The following CACNA2D4 variants were observed in gnomAD, a reference collection of about 807,000 sequenced individuals.
CACNA2D4 encodes voltage-dependent calcium channel subunit alpha-2/delta-4.
A neutral mutation model predicts 163.8 loss-of-function variants in CACNA2D4; 157 were observed. That is an observed-to-expected ratio of 0.96 (90% CI 0.84 to 1.09). CACNA2D4 has a LOEUF of 1.09. Among genes scored for constraint, CACNA2D4 ranks in the 50% least tolerant of loss-of-function variants. The pLI, the probability that CACNA2D4 is intolerant of heterozygous loss-of-function variation, is 0.00. For synonymous variants in CACNA2D4, 598 were observed against 586.9 expected (o/e 1.02, Z -0.27); for missense variants, 1,410 against 1,479.9 (o/e 0.95, Z 0.78).
chr12:1,796,406 G>A (rs952749800), intron 35 of CACNA2D4, among the ~76,000 whole-genome samples: 1 of 152,238 alleles, frequency 6.6e-6, no homozygotes, highest in Non-Finnish European at 1.5e-5. Flanking sequence ...CTGGTGTTGT[G>A]CCCATTTTGC....
rs1865930147 is a variant in CACNA2D4 at position 1,878,637 on chromosome 12, C to T, written c.1645-248G>A. On this transcript the variant is annotated intron_variant, in intron 15 of 37. Transcript: ENST00000382722. The surrounding 1 kb of genome is among the most constrained non-coding windows in gnomAD (Gnocchi z 4.6). ...CCTGACTTCTTTACCACCACATGTT[C>T]TGGGTGCTTTGATGATGTAATCTCA... 6.6e-6 allele frequency among the ~76,000 whole-genome samples: 1 copy of T among 152,188 alleles called. No homozygotes were observed. Among genetic ancestry groups the T allele is most frequent in the Non-Finnish European group, 1.5e-5 (1 of 68,042 alleles).
intron 23 of CACNA2D4, 28 bp downstream of exon 23, chr12:1,853,923 G>GCCTGGGAA (rs761403035): frequency 1.3e-6 from 2 of 1,574,918 alleles, no homozygotes; most frequent in East Asian, 2.2e-5. Flanking sequence ...GCTGGTTGGG[G>GCCTGGGAA]CCTGGGAACC....
At position 1,828,663 on chromosome 12, in the gene CACNA2D4, G is replaced by C. The variant is rs1403608265; in HGVS notation, c.2551+12076C>G. On this transcript the variant is annotated intron_variant, in intron 26 of 37. Transcript: ENST00000382722. This position sits in a 1 kb window ranked among gnomAD's most constrained non-coding sequence, Gnocchi z 4.2. ...CTGGCCTCGGCCAGGAGCTGGGTCA[G>C]CTTGGAGATGTCTCTTATGCTCCTT... Among the ~76,000 whole-genome samples, 1 of 152,218 alleles carries C rather than the reference G, an allele frequency of 6.6e-6. No individual in the cohort carries two copies. Among genetic ancestry groups the C allele is most frequent in the Non-Finnish European group, 1.5e-5 (1 of 68,036 alleles).
At chr12:1,819,176 G>C (rs373021048) in intron 26 of CACNA2D4, among the ~76,000 whole-genome samples, 18 of 152,154 alleles carry the variant, frequency 1.2e-4, no homozygotes, top group African/African-American at 4.1e-4. Context: ...GCCACCCATG[G>C]GCAGGAGAGC....
At chr12:1,879,068 C>G in intron 14 of CACNA2D4, 32 bp from the exon 15 acceptor site, 1 of 1,579,958 alleles carries the variant, frequency 6.3e-7, no homozygotes, top group Non-Finnish European at 8.7e-7. Flanking sequence ...GTGGGGGAGA[C>G]CCAGCTTCCC....
Position 1,907,760 on chromosome 12 carries a change from G to T in CACNA2D4, c.649+115C>A. The T allele has an allele frequency of 3.0e-6, 4 of 1,351,202 alleles. 1 individual carries two copies. The highest frequency in any genetic ancestry group is 3.1e-6 in the Non-Finnish European group (3 of 976,088). 83.7% of individuals were successfully genotyped at this position (1,351,202 alleles called of 1,614,324 possible). On this transcript the variant is annotated intron_variant, in intron 5 of 37. Coordinates refer to ENST00000382722, the MANE Select transcript of CACNA2D4 (RefSeq NM_172364.5). ...CCTGGTGGGCGTGTCTGGTGGGTGT[G>T]TCTGGTGGGCCAGCCTGGTGAGTAT...
At chr12:1,897,281 A>G (rs1297586969) in intron 6 of CACNA2D4, among the ~76,000 whole-genome samples, 2 of 152,182 alleles carry the variant, frequency 1.3e-5, no homozygotes, top group African/African-American at 4.8e-5. Context: ...ACGAGCATAC[A>G]ATTAGATAGA....
chr12:1,869,087 A>G lies in CACNA2D4; in HGVS notation c.1878+5517T>C, dbSNP rs920229203. On this transcript the variant is annotated intron_variant, in intron 18 of 37. Coordinates refer to ENST00000382722, the MANE Select transcript of CACNA2D4 (RefSeq NM_172364.5). The surrounding 1 kb of genome is among the most constrained non-coding windows in gnomAD (Gnocchi z 4.7). Reference sequence around the variant, plus strand: ...GACTGCGCATCACGTTGTGCACCTTAAATATATACAATCGAAAAGCAGGTC... The same window carrying G: ...GACTGCGCATCACGTTGTGCACCTTGAATATATACAATCGAAAAGCAGGTC... Among the ~76,000 whole-genome samples, 1 of 152,172 alleles carries G rather than the reference A, an allele frequency of 6.6e-6. No individual in the cohort carries two copies. Among genetic ancestry groups the G allele is most frequent in the African/African-American group, 2.4e-5 (1 of 41,430 alleles).
chr12:1,842,394 C>A (rs1428685930), intron 25 of CACNA2D4, among the ~76,000 whole-genome samples: 1 of 152,242 alleles, frequency 6.6e-6, no homozygotes, highest in African/African-American at 2.4e-5. Context: ...TCCCCTCACC[C>A]TGGAGGCAGC....
At chr12:1,860,582 T>G (rs1865502263) in intron 18 of CACNA2D4, among the ~76,000 whole-genome samples, 2 of 152,214 alleles carry the variant, frequency 1.3e-5, no homozygotes, top group Admixed American at 1.3e-4. Flanking sequence ...TATTGGGCAG[T>G]GCTGATGTAG....
intron 19 of CACNA2D4, 81 bp downstream of exon 19, chr12:1,860,064 C>A: frequency 8.4e-7 from 1 of 1,184,716 alleles, no homozygotes; most frequent in South Asian, 1.3e-5. Flanking sequence ...TTGCTATTAC[C>A]ACAAAATTGC....
In CACNA2D4 at chr12:1,869,936, C is replaced by T. The variant is rs1865734499; in HGVS notation, c.1878+4668G>A. 6.6e-6 allele frequency among the ~76,000 whole-genome samples: 1 copy of T among 152,176 alleles called. No homozygotes were observed. The highest frequency in any genetic ancestry group is 6.5e-5 in the Admixed American group (1 of 15,276). On this transcript the variant is annotated intron_variant, in intron 18 of 37. Coordinates refer to ENST00000382722, the MANE Select transcript of CACNA2D4 (RefSeq NM_172364.5). This position sits in a 1 kb window ranked among gnomAD's most constrained non-coding sequence, Gnocchi z 4.7. ...ATATTTGAGGGGTAGGCTGTAGATA[C>T]TCTTGTCTTCCTTTGAAGGTGTTTT...
intron 3 of CACNA2D4, among the ~76,000 whole-genome samples, chr12:1,912,194 C>A (rs1866841214): frequency 6.6e-6 from 1 of 152,200 alleles, no homozygotes; most frequent in African/African-American, 2.4e-5. Context: ...ATCCAGCCAA[C>A]CACTCCCGAT....
At chr12:1,881,597 A>G (rs1177593143) in intron 13 of CACNA2D4, among the ~76,000 whole-genome samples, 1 of 152,234 alleles carries the variant, frequency 6.6e-6, no homozygotes, top group Admixed American at 6.5e-5. Context: ...TGCAGGTGCC[A>G]GGGTTCACAG....
chr12:1,856,267 A>C, intron 20 of CACNA2D4, 38 bp from the exon 21 acceptor site: 1 of 1,610,772 alleles, frequency 6.2e-7, no homozygotes, highest in Non-Finnish European at 8.5e-7. Flanking sequence ...ATGCTCCCTC[A>C]CTGCCATGAG....
intron 3 of CACNA2D4, among the ~76,000 whole-genome samples, chr12:1,912,550 A>G (rs1866852860): frequency 6.7e-6 from 1 of 149,716 alleles, no homozygotes; most frequent in South Asian, 2.1e-4. Flanking sequence ...AATGAGGGTG[A>G]GGGAGGAATG....
chr12:1,822,834 T>C (rs1316117403), intron 26 of CACNA2D4, among the ~76,000 whole-genome samples: 1 of 148,990 alleles, frequency 6.7e-6, no homozygotes, highest in South Asian at 2.1e-4. Context: ...TAGACGGCTG[T>C]GGCAGCCTCC....
chr12:1,840,698 C>T (rs769884304), intron 26 of CACNA2D4, 41 bp downstream of exon 26: 1 of 1,545,110 alleles, frequency 6.5e-7, no homozygotes, highest in Non-Finnish European at 8.9e-7. Context: ...TTTACACTGT[C>T]CCCAGCTTCC....
intron 1 of CACNA2D4, among the ~76,000 whole-genome samples, chr12:1,915,957 C>T (rs1222607861): frequency 1.3e-5 from 2 of 152,186 alleles, no homozygotes; most frequent in Non-Finnish European, 2.9e-5. Flanking sequence ...TAGCATAGTA[C>T]ATGTTTGAAG....
Sources: gnomAD v4.1 joint callset for allele counts (sites outside exome capture counted in the v4.1 genomes callset) on GRCh38, gnomAD v4.1.1 for gene constraint, Gnocchi (gnomAD v3.1) non-coding constraint, MANE v1.5 for transcripts, NCBI Gene and HGNC (gene_info 2026-07-23, HGNC 2026-07-21) for gene names.